The following ELOVL2 variants were observed in gnomAD, a reference collection of about 807,000 sequenced individuals.
The protein encoded by ELOVL2 is ELOVL fatty acid elongase 2.
A neutral mutation model predicts 37.7 loss-of-function variants in ELOVL2; 38 were observed. That is an observed-to-expected ratio of 1.01 (90% CI 0.78 to 1.32). The LOEUF (loss-of-function observed/expected upper bound fraction) is 1.32, where lower values mean the gene tolerates loss of function less well. Ranked by LOEUF, ELOVL2 falls within the 40% of genes most tolerant of loss-of-function variation. ELOVL2 has a pLI of 0.00. For synonymous variants in ELOVL2, 115 were observed against 122.3 expected (o/e 0.94, Z 0.40); for missense variants, 352 against 363.6 (o/e 0.97, Z 0.26).
intron 1 of ELOVL2, among the ~76,000 whole-genome samples, chr6:11,022,009 A>G (rs146971919): frequency 2.4e-3 from 372 of 152,292 alleles, no homozygotes; most frequent in Admixed American, 4.4e-3. Flanking sequence ...TGTTAAGTGT[A>G]ATAGGGGGTC....
At chr6:11,031,048 T>C (rs1436437473) in intron 1 of ELOVL2, among the ~76,000 whole-genome samples, 3 of 152,230 alleles carry the variant, frequency 2.0e-5, no homozygotes, top group Non-Finnish European at 4.4e-5. Flanking sequence ...GTAGCACACT[T>C]ATCTTTCTGC....
intron 7 of ELOVL2, among the ~76,000 whole-genome samples, chr6:10,984,647 G>A (rs1782012202): frequency 6.6e-6 from 1 of 150,692 alleles, no homozygotes; most frequent in Admixed American, 6.6e-5. Context: ...TACTGAGAAT[G>A]ATGATTTCCA....
chr6:10,982,627 A>T lies in ELOVL2; in HGVS notation c.*1154T>A, dbSNP rs762707776. The stretch of plus-strand genomic sequence containing the variant: ...GTGCTTGCTTCTCGGTAGAGATCGC[A>T]TATACCTGAGCAGGGAACAGGAGTG... On this transcript the variant is annotated 3_prime_UTR_variant, in exon 8 of 8. Coordinates refer to ENST00000354666, the MANE Select transcript of ELOVL2 (RefSeq NM_017770.4). 7 of 152,222 alleles carry T rather than the reference A, an allele frequency of 4.6e-5. No individual in the cohort carries two copies. Among genetic ancestry groups the T allele is most frequent in the Admixed American group, 6.5e-5 (1 of 15,278 alleles). The allele number at this position is 152,222 out of a possible 1,614,324, so 9.4% of individuals were successfully genotyped here. A position where few individuals can be genotyped will look rare whatever the true frequency, so the allele number is the denominator to read the frequency against.
At chr6:11,003,081 G>A (rs1430094856) in intron 3 of ELOVL2, among the ~76,000 whole-genome samples, 3 of 152,198 alleles carry the variant, frequency 2.0e-5, no homozygotes, top group Non-Finnish European at 2.9e-5. Context: ...CACCCAAACA[G>A]GTACTAGAAC....
At chr6:11,034,595 ATCAC>A (rs1158133381) in intron 1 of ELOVL2, among the ~76,000 whole-genome samples, 3 of 152,130 alleles carry the variant, frequency 2.0e-5, no homozygotes, top group African/African-American at 7.2e-5. Context: ...AGGCAGGAGA[ATCAC>A]TCAAACTCAG....
chr6:11,014,676 AC>A (rs1369348748), intron 1 of ELOVL2, among the ~76,000 whole-genome samples: 14 of 151,672 alleles, frequency 9.2e-5, no homozygotes, highest in African/African-American at 3.4e-4. Flanking sequence ...ACTTGTACAT[AC>A]ATGCCTAGGC....
intron 5 of ELOVL2, 31 bp from the exon 6 acceptor site, chr6:10,990,473 C>T: frequency 6.5e-7 from 1 of 1,548,566 alleles, no homozygotes; most frequent in Non-Finnish European, 8.6e-7. Context: ...AATCACTATT[C>T]TTCCAGGAAG....
chr6:11,036,576 C>G (rs1383709723), intron 1 of ELOVL2, among the ~76,000 whole-genome samples: 1 of 152,192 alleles, frequency 6.6e-6, no homozygotes, highest in Non-Finnish European at 1.5e-5. Context: ...GAGTATTTTT[C>G]TGACATCCCA....
At chr6:11,021,923 C>T (rs946984766) in intron 1 of ELOVL2, among the ~76,000 whole-genome samples, 1 of 152,066 alleles carries the variant, frequency 6.6e-6, no homozygotes, top group Admixed American at 6.6e-5. Context: ...TAAGGAGGTG[C>T]GTTGGTGGAG....
chr6:11,010,775 G>A lies in ELOVL2; in HGVS notation c.38C>T (p.Ala13Val). The change falls in exon 2 of 8, where the codon GCT becomes GTT. Residue 13 changes from alanine to valine, a missense_variant. Coordinates refer to ENST00000354666, the MANE Select transcript of ELOVL2 (RefSeq NM_017770.4). ...CGGTCCAAACATATTGTCCAAAAAAGCATTGATTTCATCATCAAAGGCCTT... is the reference window on the plus strand; with the variant it reads ...CGGTCCAAACATATTGTCCAAAAAAACATTGATTTCATCATCAAAGGCCTT... Reference protein sequence around the residue: ...HLKAFDDEINAFLDNMFGPRD... With the variant: ...HLKAFDDEINVFLDNMFGPRD... 1 of 1,612,354 alleles carries A rather than the reference G, an allele frequency of 6.2e-7. No individual in the cohort carries two copies. Among genetic ancestry groups the A allele is most frequent in the East Asian group, 2.2e-5 (1 of 44,870 alleles).
chr6:11,035,926 TATCTA>T (rs1410910447), intron 1 of ELOVL2, among the ~76,000 whole-genome samples: 2 of 152,240 alleles, frequency 1.3e-5, no homozygotes, highest in Non-Finnish European at 2.9e-5. Flanking sequence ...ACAATGAGTG[TATCTA>T]ATCAAAAAAA....
chr6:11,042,518 C>T (rs1783114311), intron 1 of ELOVL2, among the ~76,000 whole-genome samples: 1 of 151,922 alleles, frequency 6.6e-6, no homozygotes, highest in Non-Finnish European at 1.5e-5. Context: ...AAGAGATTTC[C>T]TTGGACTTAT....
rs114012748 is a variant in ELOVL2 at position 11,031,720 on chromosome 6, T to C, written c.3+12508A>G. Among the ~76,000 whole-genome samples, 1,214 of 152,332 alleles carry C rather than the reference T, an allele frequency of 8.0e-3. 19 individuals are homozygous for C. The highest frequency in any genetic ancestry group is 0.027 in the African/African-American group (1,134 of 41,570). ...GTGGTCAAATGTCACTTTTTATGGT[T>C]TGTGTTTAATCTTGCTTAAGAAATT... On this transcript the variant is annotated intron_variant, in intron 1 of 7. Coordinates refer to ENST00000354666, the MANE Select transcript of ELOVL2 (RefSeq NM_017770.4).
intron 1 of ELOVL2, among the ~76,000 whole-genome samples, chr6:11,025,096 A>C (rs936099745): frequency 2.0e-5 from 3 of 152,122 alleles, no homozygotes; most frequent in African/African-American, 7.2e-5. Context: ...CAACGGCGTA[A>C]TCTCATAAAT....
Position 10,989,337 on chromosome 6 carries a change from TAAAC to T in ELOVL2, c.765+362_765+365del, listed in dbSNP as rs530056404. On this transcript the variant is annotated intron_variant, in intron 7 of 7. Coordinates refer to ENST00000354666, the MANE Select transcript of ELOVL2 (RefSeq NM_017770.4). ...TACTATAATATTTAATCAGTAAAAT[TAAAC>T]AAATATGTAATGTAAAAGTGCATGA... Among the ~76,000 whole-genome samples, 30 of 152,302 alleles carry T rather than the reference TAAAC, an allele frequency of 2.0e-4. No individual in the cohort carries two copies. In the East Asian group the frequency reaches 4.2e-3, roughly 22 times the overall value.
In ELOVL2 at chr6:10,989,806, A is replaced by G. The variant is rs1367153753; in HGVS notation, c.662T>C (p.Met221Thr). ...GCCACACGGTTTCACGACGGCGCTCATGGTGTGCGTGATGGTGAGCACGAA... is the reference window on the plus strand; with the variant it reads ...GCCACACGGTTTCACGACGGCGCTCGTGGTGTGCGTGATGGTGAGCACGAA... ...VQFVLTITHT[M>T]SAVVKPCGFP... Residue 221 changes from methionine (M) to threonine (T), a missense_variant, in exon 7 of 8, where the codon ATG becomes ACG. Coordinates refer to ENST00000354666, the MANE Select transcript of ELOVL2 (RefSeq NM_017770.4). 1 of 1,614,200 alleles carries G rather than the reference A, an allele frequency of 6.2e-7. No homozygotes were observed. The highest frequency in any genetic ancestry group is 1.7e-5 in the Admixed American group (1 of 60,014).
At chr6:11,019,840 T>G (rs907160437) in intron 1 of ELOVL2, among the ~76,000 whole-genome samples, 1 of 150,778 alleles carries the variant, frequency 6.6e-6, no homozygotes, top group Non-Finnish European at 1.5e-5. Context: ...GCCTCCTGCA[T>G]TCAAGTGATT....
At chr6:10,994,901 C>T in intron 5 of ELOVL2, 106 bp downstream of exon 5, 1 of 901,588 alleles carries the variant, frequency 1.1e-6, no homozygotes. Flanking sequence ...GCGCTCTAGG[C>T]CTCCCTTCAT....
At chr6:11,016,140 C>A (rs1414469543) in intron 1 of ELOVL2, among the ~76,000 whole-genome samples, 1 of 152,074 alleles carries the variant, frequency 6.6e-6, no homozygotes, top group Admixed American at 6.5e-5. Flanking sequence ...ATTTCCTTTT[C>A]CCCTCTATTT....
Sources: allele counts gnomAD v4.1 joint callset (sites outside exome capture counted in the v4.1 genomes callset), GRCh38; gene constraint gnomAD v4.1.1; transcripts MANE v1.5; gene names NCBI Gene and HGNC (gene_info 2026-07-23, HGNC 2026-07-21).